The following AXDND1 variants were observed in gnomAD, a reference collection of about 807,000 sequenced individuals.
AXDND1 encodes the protein axonemal dynein light chain domain containing 1.
In AXDND1, 110 loss-of-function variants were observed where a neutral mutation model predicts 137.5. The observed-to-expected ratio is 0.80, with a 90% CI of 0.69 to 0.94. The LOEUF is 0.94. Ranked by LOEUF, AXDND1 falls within the 40% of genes least tolerant of loss-of-function variation. AXDND1 has a pLI of 0.00. For synonymous variants in AXDND1, 414 were observed against 399.7 expected (o/e 1.04, Z -0.43); for missense variants, 1,191 against 1,169.8 (o/e 1.02, Z -0.26).
intron 9 of AXDND1, among the ~76,000 whole-genome samples, chr1:179,392,140 C>G (rs1165085281): frequency 6.6e-6 from 1 of 152,220 alleles, no homozygotes; most frequent in African/African-American, 2.4e-5. Context: ...TAATCTTCCT[C>G]CTCAGACCCC....
At chr1:179,410,597 T>C (rs1430507284) in intron 11 of AXDND1, among the ~76,000 whole-genome samples, 1 of 152,206 alleles carries the variant, frequency 6.6e-6, no homozygotes, top group Non-Finnish European at 1.5e-5. Flanking sequence ...CTGGTAGACA[T>C]AAAGAAACAA....
At chr1:179,407,453 C>G (rs1653155865) in intron 11 of AXDND1, among the ~76,000 whole-genome samples, 1 of 152,150 alleles carries the variant, frequency 6.6e-6, no homozygotes, top group Non-Finnish European at 1.5e-5. Context: ...TCTCGATCTC[C>G]TGACCTCGTG....
At chr1:179,473,442 G>A (rs1664214417) in intron 17 of AXDND1, among the ~76,000 whole-genome samples, 1 of 152,044 alleles carries the variant, frequency 6.6e-6, no homozygotes. Context: ...AGTTTGCAGT[G>A]AGCCGAGATC....
At chr1:179,375,108 AT>A (rs111361473) in intron 4 of AXDND1, among the ~76,000 whole-genome samples, 16,692 of 151,520 alleles carry the variant, frequency 0.11, 1,058 homozygotes, top group African/African-American at 0.15. Context: ...TAAAAAAAAA[AT>A]TTTTTTTAAG....
intron 18 of AXDND1, among the ~76,000 whole-genome samples, chr1:179,488,765 C>G (rs1343128158): frequency 7.1e-6 from 1 of 140,076 alleles, no homozygotes; most frequent in Non-Finnish European, 1.5e-5. Flanking sequence ...AATGGAGTCT[C>G]GCTCTGTCAC....
intron 12 of AXDND1, among the ~76,000 whole-genome samples, chr1:179,427,725 C>T (rs1024764985): frequency 1.3e-5 from 2 of 152,112 alleles, no homozygotes; most frequent in Non-Finnish European, 2.9e-5. Context: ...TAGCATAGTT[C>T]TTACAGTAAT....
At chr1:179,407,268 A>T (rs1653120895) in intron 11 of AXDND1, among the ~76,000 whole-genome samples, 1 of 149,774 alleles carries the variant, frequency 6.7e-6, no homozygotes, top group Non-Finnish European at 1.5e-5. Context: ...TTGCTCTGTC[A>T]CCAGAATGGA....
chr1:179,367,011 G>A (rs1478441402), intron 2 of AXDND1, among the ~76,000 whole-genome samples: 1 of 151,230 alleles, frequency 6.6e-6, no homozygotes, highest in African/African-American at 2.5e-5. Context: ...CTTGAGGTCA[G>A]GAGTTCGAGA....
At chr1:179,413,483 G>A (rs1475582326) in intron 12 of AXDND1, among the ~76,000 whole-genome samples, 1 of 152,142 alleles carries the variant, frequency 6.6e-6, no homozygotes, top group African/African-American at 2.4e-5. Flanking sequence ...CCACTTACAA[G>A]TGAGAACATG....
chr1:179,370,744 C>G (rs772691485), intron 4 of AXDND1, among the ~76,000 whole-genome samples: 1 of 152,198 alleles, frequency 6.6e-6, no homozygotes, highest in African/African-American at 2.4e-5. Context: ...TCTACTGAAA[C>G]AAATGTTTAC....
Position 179,457,393 on chromosome 1 carries a change from G to A in AXDND1, c.1799-11050G>A, listed in dbSNP as rs181761915. ...CTTCGGCGGCGTCCAGGGGCAGAAA[G>A]GCAAGACAGTTTTAAATTTCCATTG... On this transcript the variant is annotated intron_variant, in intron 16 of 25. Coordinates refer to ENST00000367618, the MANE Select transcript of AXDND1 (RefSeq NM_144696.6). The A allele has an allele frequency of 1.6e-3, 639 of 392,580 alleles. 2 individuals carry two copies. Among genetic ancestry groups the A allele is most frequent in the Middle Eastern group, 3.3e-3 (4 of 1,216 alleles). The allele number at this position is 392,580 out of a possible 1,614,324, so 24.3% of individuals were successfully genotyped here.
intron 6 of AXDND1, among the ~76,000 whole-genome samples, chr1:179,382,405 C>T (rs1054242991): frequency 6.6e-6 from 1 of 152,114 alleles, no homozygotes; most frequent in African/African-American, 2.4e-5. Context: ...TCAAATTTTT[C>T]CAGATTTGGC....
At position 179,531,002 on chromosome 1, in the gene AXDND1, C is replaced by G. The variant is rs553215125; in HGVS notation, c.2715+2571C>G. Among the ~76,000 whole-genome samples the G allele has an allele frequency of 1.1e-4, 16 of 152,300 alleles. 1 individual carries two copies. In the East Asian group the frequency reaches 2.9e-3, roughly 28 times the overall value. On this transcript the variant is annotated intron_variant, in intron 23 of 25. Coordinates refer to ENST00000367618, the MANE Select transcript of AXDND1 (RefSeq NM_144696.6). ...TGGAGTTACTACTCAAATCGATCTT[C>G]TTGAAGGCTCAAAGGTTAGGCTTTT...
chr1:179,422,570 A>G (rs1655924166), intron 12 of AXDND1, among the ~76,000 whole-genome samples: 1 of 152,148 alleles, frequency 6.6e-6, no homozygotes, highest in South Asian at 2.1e-4. Flanking sequence ...TATATTCTAG[A>G]GAATGTTTCA....
At position 179,509,524 on chromosome 1, in the gene AXDND1, A is replaced by T. The variant is rs149951274; in HGVS notation, c.2496+121A>T. 3.5e-3 allele frequency: 2,240 copies of T among 648,732 alleles called. 4 individuals carry two copies. Among genetic ancestry groups the T allele is most frequent in the Admixed American group, 4.6e-3 (142 of 30,924 alleles). The allele number at this position is 648,732 out of a possible 1,614,324, so 40.2% of individuals were successfully genotyped here. On this transcript the variant is annotated intron_variant, in intron 21 of 25. Transcript: ENST00000367618. Reference sequence around the variant, plus strand: ...TTGTTCATTTACCCTAACATATGAGAATTTTGGTTCTGATCAAGATCTTTC... The same window carrying T: ...TTGTTCATTTACCCTAACATATGAGTATTTTGGTTCTGATCAAGATCTTTC...
chr1:179,368,489 C>T (rs1242385114), intron 2 of AXDND1, among the ~76,000 whole-genome samples: 1 of 152,146 alleles, frequency 6.6e-6, no homozygotes, highest in Non-Finnish European at 1.5e-5. Context: ...TCTTAAGGCT[C>T]TCCCAGTTAC....
chr1:179,542,424 G>T (rs1239913148), intron 25 of AXDND1, among the ~76,000 whole-genome samples: 1 of 152,126 alleles, frequency 6.6e-6, no homozygotes, highest in East Asian at 1.9e-4. Flanking sequence ...CCTATAGAGT[G>T]TGAATTCATT....
At chr1:179,448,862 A>G (rs760099947) in intron 16 of AXDND1, 4 of 168,694 alleles carry the variant, frequency 2.4e-5, no homozygotes, top group East Asian at 3.7e-4. Flanking sequence ...TTGCTCTTAT[A>G]TAATGGTATT....
chr1:179,389,164 G>A (rs111837746), intron 9 of AXDND1, among the ~76,000 whole-genome samples: 2,705 of 151,690 alleles, frequency 0.018, 68 homozygotes, highest in African/African-American at 0.061. Context: ...GTAGAGACGG[G>A]GTTTCACCAT....
Sources: gnomAD v4.1 joint callset for allele counts (sites outside exome capture counted in the v4.1 genomes callset) on GRCh38, gnomAD v4.1.1 for gene constraint, MANE v1.5 for transcripts, NCBI Gene and HGNC (gene_info 2026-07-23, HGNC 2026-07-21) for gene names.